The following RIPOR1 variants were observed in gnomAD, a reference collection of about 807,000 sequenced individuals.
RIPOR1 encodes the protein RHO family interacting cell polarization regulator 1.
A neutral mutation model predicts 116.5 loss-of-function variants in RIPOR1; 58 were observed. The observed-to-expected ratio is 0.50, with a 90% CI of 0.40 to 0.62. The LOEUF is 0.62. Ranked by LOEUF, RIPOR1 falls within the 20% of genes least tolerant of loss-of-function variation. RIPOR1 has a pLI of 0.00. For synonymous variants in RIPOR1, 605 were observed against 650.0 expected (o/e 0.93, Z 1.05); for missense variants, 1,372 against 1,586.2 (o/e 0.86, Z 2.29).
chr16:67,521,658 C>T (rs1321120731), intron 1 of RIPOR1, among the ~76,000 whole-genome samples: 1 of 152,164 alleles, frequency 6.6e-6, no homozygotes, highest in African/African-American at 2.4e-5. Flanking sequence ...AGAGCACCGC[C>T]CAGCTCACAG....
upstream of RIPOR1, among the ~76,000 whole-genome samples, chr16:67,527,231 CTGGCCAACATGGTGAAACCCCATCTCT>C (rs1223648579): frequency 2.7e-5 from 4 of 149,048 alleles, no homozygotes; most frequent in African/African-American, 7.4e-5. Flanking sequence ...GGAGGCCAGC[CTGGCCAACATGGTGAAACCCCATCTCT>C]ACCAAAAATA....
At chr16:67,518,561 C>T (rs1939461622) in exon 1 of RIPOR1, 1 of 152,468 alleles carries the variant, frequency 6.6e-6, no homozygotes, top group Non-Finnish European at 1.5e-5. Flanking sequence ...CTCAAGGATC[C>T]CAACTCTGCT....
rs781183177 is a variant in RIPOR1, at chr16:67,537,318, G to A, written c.-23-1106G>A. 9.0e-7 allele frequency: 1 copy of A among 1,116,256 alleles called. No individual in the cohort carries two copies. The highest frequency in any genetic ancestry group is 1.1e-6 in the Non-Finnish European group (1 of 887,530). 69.1% of individuals were successfully genotyped at this position (1,116,256 alleles called of 1,614,324 possible). A position where few individuals can be genotyped will look rare whatever the true frequency, so the allele number is the denominator to read the frequency against. ...CATCCCCATGCTCAAATCCCTTTAC[G>A]CACATTGCTGACCCCAGCTGAGCAG... is the stretch of plus-strand genomic sequence containing the variant. On this transcript the variant is annotated intron_variant, in intron 1 of 21. Coordinates refer to ENST00000042381, the MANE Select transcript of RIPOR1 (RefSeq NM_024519.4). The surrounding 1 kb of genome is among the most constrained non-coding windows in gnomAD (Gnocchi z 4.6).
At position 67,542,929 on chromosome 16, in the gene RIPOR1, A is replaced by C; in HGVS notation, c.2143A>C (p.Thr715Pro). ...TAGTCCCCCAGTCTCCAATTCCTAC[A>C]CTCAGGCAGACCCTATGGCCCCCAG... ...PCSPPVSNSYTQADPMAPRTP... is the reference protein window; with the variant it reads ...PCSPPVSNSYPQADPMAPRTP... The change falls in exon 13 of 22, where the codon ACT (threonine) becomes CCT (proline). Residue 715 changes from threonine (T) to proline (P), a missense_variant. Around this residue, in one of 3 missense-constraint regions of RIPOR1, gnomAD observed 1,005 missense variants for 1,144.7 expected, o/e 0.88. Coordinates refer to ENST00000042381, the MANE Select transcript of RIPOR1 (RefSeq NM_024519.4). This position sits in a 1 kb window ranked among gnomAD's most constrained non-coding sequence, Gnocchi z 4.6. 6.3e-7 allele frequency: 1 copy of C among 1,598,286 alleles called. No homozygotes were observed. The highest frequency in any genetic ancestry group is 8.5e-7 in the Non-Finnish European group (1 of 1,170,930).
chr16:67,532,192 C>A (rs2031475611), intron 1 of RIPOR1, among the ~76,000 whole-genome samples: 1 of 152,156 alleles, frequency 6.6e-6, no homozygotes, highest in South Asian at 2.1e-4. Context: ...AGCCACCGCA[C>A]CCGGCCGTGT....
In RIPOR1 at chr16:67,540,396, AG is replaced by A; in HGVS notation, c.631+36del. 6.2e-7 allele frequency: 1 copy of A among 1,614,176 alleles called. No individual in the cohort carries two copies. The highest frequency in any genetic ancestry group is 8.5e-7 in the Non-Finnish European group (1 of 1,180,020). ...GTTGTGGGGGCAGGTGGGGGGCTGG[AG>A]GGAGTATGCTGAAGAACCCCAATAT... is the stretch of plus-strand genomic sequence containing the variant. On this transcript the variant is annotated intron_variant, in intron 8 of 21. Transcript: ENST00000042381. The surrounding 1 kb of genome is among the most constrained non-coding windows in gnomAD (Gnocchi z 4.7).
Position 67,537,981 on chromosome 16 carries a change from G to T in RIPOR1, c.-23-443G>T. 1 of 213,954 alleles carries T rather than the reference G, an allele frequency of 4.7e-6. No homozygotes were observed. Among genetic ancestry groups the T allele is most frequent in the Admixed American group, 5.9e-5 (1 of 17,006 alleles). The allele number at this position is 213,954 out of a possible 1,614,324, so 13.3% of individuals were successfully genotyped here. ...CGAGCGTGGCCCCGCCCCGCCCCGT[G>T]ACCTCCTTGGGCTCCCGGGGTGGGG... On this transcript the variant is annotated intron_variant, in intron 1 of 21. Transcript: ENST00000042381. This position sits in a 1 kb window ranked among gnomAD's most constrained non-coding sequence, Gnocchi z 4.6.
In RIPOR1 at chr16:67,537,451, C is replaced by A; in HGVS notation, c.-23-973C>A. 2 of 1,240,420 alleles carry A rather than the reference C, an allele frequency of 1.6e-6. No homozygotes were observed. The highest frequency in any genetic ancestry group is 2.0e-6 in the Non-Finnish European group (2 of 991,182). 76.8% of individuals were successfully genotyped at this position (1,240,420 alleles called of 1,614,324 possible). A position where few individuals can be genotyped will look rare whatever the true frequency, so the allele number is the denominator to read the frequency against. ...GCAGGAACTGGGCGGGGGGCGGCGC[C>A]GGGAGGAGCCGAAGCCGAGCCAGAG... On this transcript the variant is annotated intron_variant, in intron 1 of 21. Transcript: ENST00000042381. This position sits in a 1 kb window ranked among gnomAD's most constrained non-coding sequence, Gnocchi z 4.6.
In RIPOR1 at chr16:67,540,055, C is replaced by T. The variant is rs747592741; in HGVS notation, c.417C>T (p.Ile139=). Residue 139 remains isoleucine, a splice_region_variant and synonymous_variant, in exon 7 of 22, where the codon ATC becomes ATT. Transcript: ENST00000042381. This position sits in a 1 kb window ranked among gnomAD's most constrained non-coding sequence, Gnocchi z 4.7. ...LRRLEFHASK[I]DELYEAYCVQ... is the part of the protein sequence containing the mutation. The stretch of plus-strand genomic sequence containing the variant: ...TGTCACCCCACTCACCTTCCCAGAT[C>T]GATGAGCTGTATGAGGCATACTGTG... 8 of 1,613,996 alleles carry T rather than the reference C, an allele frequency of 5.0e-6. No homozygotes were observed. Among genetic ancestry groups the T allele is most frequent in the African/African-American group, 2.7e-5 (2 of 74,892 alleles).
rs1402901703 is a variant in RIPOR1, at chr16:67,531,976, C to T, written c.-24+3062C>T. Among the ~76,000 whole-genome samples the T allele has an allele frequency of 1.3e-5, 2 of 152,086 alleles. No homozygotes were observed. The highest frequency in any genetic ancestry group is 1.9e-4 in the East Asian group (1 of 5,190). On this transcript the variant is annotated intron_variant, in intron 1 of 21. Coordinates refer to ENST00000042381, the MANE Select transcript of RIPOR1 (RefSeq NM_024519.4). This position sits in a 1 kb window ranked among gnomAD's most constrained non-coding sequence, Gnocchi z 4.2. ...GTGAGATCTTGGCTCACTGCAAGCT[C>T]CACCTCCCGGGCTCATGCCATTCTC... is the stretch of plus-strand genomic sequence containing the variant.
intron 1 of RIPOR1, among the ~76,000 whole-genome samples, chr16:67,536,869 A>G (rs1226974348): frequency 6.6e-6 from 1 of 151,782 alleles, no homozygotes; most frequent in Non-Finnish European, 1.5e-5. Context: ...GCCCCCTACT[A>G]TCCACCTTCT....
chr16:67,543,440 AGATGAAGACAAT>A lies in RIPOR1; in HGVS notation c.2576_2587del (p.Glu859_Asp862del), dbSNP rs1342044862. The stretch of plus-strand genomic sequence containing the variant: ...GCTTCAGCTTCCTCAATGAAGACGA[AGATGAAGACAAT>A]GATGTTCCTGGGGACAGGTGAGGGG... On this transcript the variant is annotated inframe_deletion, in exon 14 of 22. Transcript: ENST00000042381. The surrounding 1 kb of genome is among the most constrained non-coding windows in gnomAD (Gnocchi z 4.7). 1.4e-5 allele frequency: 22 copies of A among 1,558,114 alleles called. No individual in the cohort carries two copies. In the Admixed American group the frequency reaches 2.3e-4, roughly 16 times the overall value.
At chr16:67,536,760 TCTC>T (rs1228617301) in intron 1 of RIPOR1, among the ~76,000 whole-genome samples, 1 of 152,052 alleles carries the variant, frequency 6.6e-6, no homozygotes, top group Admixed American at 6.5e-5. Context: ...CAGCCTCTCT[TCTC>T]AGCCTCAGTC....
chr16:67,522,789 C>G (rs1007994436), intron 1 of RIPOR1, among the ~76,000 whole-genome samples: 2 of 152,026 alleles, frequency 1.3e-5, no homozygotes, highest in African/African-American at 4.8e-5. Context: ...TCTCACCTCC[C>G]AGCCCCCCAA....
intron 1 of RIPOR1, among the ~76,000 whole-genome samples, chr16:67,533,071 CTGGCAGGAGGGGGTGACT>C (rs2050702039): frequency 6.6e-6 from 1 of 151,984 alleles, no homozygotes; most frequent in South Asian, 2.1e-4. Flanking sequence ...AGGGGGTGAC[CTGGCAGGAGGGGGTGACT>C]GGTCATAGGG....
rs1037553659 is a variant in RIPOR1 at position 67,539,161 on chromosome 16, G to A, written c.336+93G>A. 6.5e-5 allele frequency: 69 copies of A among 1,063,410 alleles called. 2 individuals are homozygous for A. In the South Asian group the frequency reaches 9.4e-4, roughly 14 times the overall value. 65.9% of individuals were successfully genotyped at this position (1,063,410 alleles called of 1,614,324 possible). On this transcript the variant is annotated intron_variant, in intron 4 of 21. Coordinates refer to ENST00000042381, the MANE Select transcript of RIPOR1 (RefSeq NM_024519.4). ...GGTGATATCTGGGCTATTTTCTGAA[G>A]TGATCTGGTTCAGGTGTGAGTAGAA... is the stretch of plus-strand genomic sequence containing the variant.
In RIPOR1 at chr16:67,541,211, GC is replaced by G. The variant is rs1275904433; in HGVS notation, c.802-218del. 1.9e-6 allele frequency: 1 copy of G among 529,346 alleles called. No homozygotes were observed. Among genetic ancestry groups the G allele is most frequent in the Non-Finnish European group, 3.3e-6 (1 of 300,826 alleles). 32.8% of individuals were successfully genotyped at this position (529,346 alleles called of 1,614,324 possible). On this transcript the variant is annotated intron_variant, in intron 10 of 21. Transcript: ENST00000042381. The surrounding 1 kb of genome is among the most constrained non-coding windows in gnomAD (Gnocchi z 4.6). ...CTCCCAAGTAGCTGGGACTACAGGT[GC>G]ACCACCATGCCTGGCTAAAAATTTT...
At position 67,543,174 on chromosome 16, in the gene RIPOR1, C is replaced by A; in HGVS notation, c.2388C>A (p.Ala796=). The A allele has an allele frequency of 1.3e-6, 2 of 1,541,782 alleles. No homozygotes were observed. The highest frequency in any genetic ancestry group is 2.0e-5 in the Admixed American group (1 of 50,490). The change falls in exon 13 of 22, where the codon GCC becomes GCA. Residue 796 remains alanine, a synonymous_variant. Coordinates refer to ENST00000042381, the MANE Select transcript of RIPOR1 (RefSeq NM_024519.4). The surrounding 1 kb of genome is among the most constrained non-coding windows in gnomAD (Gnocchi z 4.7). ...GGAGCCTGGAGGAGGCACTGGGGGC[C>A]CTAATGGCTGCCCTGGATGACTACC... ...GDRSLEEALG[A]LMAALDDYRG... is the part of the protein sequence containing the mutation.
rs752585570 is a variant in RIPOR1, at chr16:67,540,219, G to T, written c.567+14G>T. ...GAGTACACGGAGGTGAGGGATGGGG[G>T]CCCATGAGGCAGAGGCACAGGGTGT... On this transcript the variant is annotated intron_variant, in intron 7 of 21. Coordinates refer to ENST00000042381, the MANE Select transcript of RIPOR1 (RefSeq NM_024519.4). This position sits in a 1 kb window ranked among gnomAD's most constrained non-coding sequence, Gnocchi z 4.7. 1 of 1,613,808 alleles carries T rather than the reference G, an allele frequency of 6.2e-7. No homozygotes were observed. The highest frequency in any genetic ancestry group is 8.5e-7 in the Non-Finnish European group (1 of 1,179,922).
Sources: gnomAD v4.1 joint callset for allele counts (sites outside exome capture counted in the v4.1 genomes callset) on GRCh38, gnomAD v4.1.1 for gene constraint, gnomAD v4.1.1 regional missense constraint, Gnocchi (gnomAD v3.1) non-coding constraint, MANE v1.5 for transcripts, NCBI Gene and HGNC (gene_info 2026-07-23, HGNC 2026-07-21) for gene names.